CHRM1: variants seen among roughly 807,000 people sequenced by gnomAD.
CHRM1 encodes cholinergic receptor muscarinic 1.
Under a neutral mutation model 31.6 loss-of-function variants are expected in CHRM1, and 5 were observed. The observed-to-expected ratio is 0.16, with a 90% CI of 0.08 to 0.33. The LOEUF is 0.33. Among genes scored for constraint, CHRM1 ranks in the 10% least tolerant of loss-of-function variants. CHRM1 has a pLI of 1.00. For missense variants in CHRM1, 338 were observed against 610.3 expected, an observed-to-expected ratio of 0.55 and a Z score of 4.70; for synonymous variants, 227 against 249.7, an observed-to-expected ratio of 0.91 and a Z score of 0.86.
Position 62,910,092 on chromosome 11 carries a change from C to G in CHRM1, c.1009G>C (p.Ala337Pro). The G allele has an allele frequency of 6.2e-7, 1 of 1,612,338 alleles. No individual in the cohort carries two copies. The stretch of plus-strand genomic sequence containing the variant: ...CCACGGGGCTTCTGGCCCTTGCCAG[C>G]TCGATCACGCCCTTTCTTAGTCGGC... ...KRPTKKGRDRAGKGQKPRGKE... is the reference protein window; with the variant it reads ...KRPTKKGRDRPGKGQKPRGKE... Residue 337 changes from alanine to proline, a missense_variant, in exon 2 of 2, where the codon GCT (alanine) becomes CCT (proline). Around this residue, in one of 4 missense-constraint regions of CHRM1, gnomAD observed 183 missense variants for 223.4 expected, o/e 0.82. Transcript: ENST00000306960. The surrounding 1 kb of genome is among the most constrained non-coding windows in gnomAD (Gnocchi z 8.7).
intron 1 of CHRM1, among the ~76,000 whole-genome samples, chr11:62,913,411 C>T (rs2135043538): frequency 6.6e-6 from 1 of 152,290 alleles, no homozygotes; most frequent in South Asian, 2.1e-4. Flanking sequence ...GTGGCTCACG[C>T]CTGTAATCCC....
At chr11:62,916,132 C>T (rs1448206970) in intron 1 of CHRM1, among the ~76,000 whole-genome samples, 1 of 152,158 alleles carries the variant, frequency 6.6e-6, no homozygotes, top group Non-Finnish European at 1.5e-5. Context: ...TCCACTCCTT[C>T]TCCTGATCCA....
rs780171312 is a variant in CHRM1, at chr11:62,909,766, G to T, written c.1335C>A (p.Ile445=). 5 of 1,614,056 alleles carry T rather than the reference G, an allele frequency of 3.1e-6. No homozygotes were observed. The highest frequency in any genetic ancestry group is 2.5e-6 in the Non-Finnish European group (3 of 1,179,984). Residue 445 remains isoleucine, a synonymous_variant, in exon 2 of 2, where the codon ATC becomes ATA. Coordinates refer to ENST00000306960, the MANE Select transcript of CHRM1 (RefSeq NM_000738.3). ...CRWDKRRWRK[I]PKRPGSVHRT... The stretch of plus-strand genomic sequence containing the variant: ...GGTGCACGGAGCCAGGGCGCTTGGG[G>T]ATCTTGCGCCAGCGTCTCTTGTCCC...
At chr11:62,916,278 G>A (rs2085899996) in intron 1 of CHRM1, among the ~76,000 whole-genome samples, 1 of 152,220 alleles carries the variant, frequency 6.6e-6, no homozygotes, top group Non-Finnish European at 1.5e-5. Flanking sequence ...AAGTCCGGAA[G>A]CCAACATCTC....
In CHRM1 at chr11:62,909,567, G is replaced by A; in HGVS notation, c.*151C>T. The A allele has an allele frequency of 1.1e-6, 1 of 913,488 alleles. No homozygotes were observed. The highest frequency in any genetic ancestry group is 1.6e-6 in the Non-Finnish European group (1 of 608,532). 56.6% of individuals were successfully genotyped at this position (913,488 alleles called of 1,614,324 possible). ...ATAGCGAAGTCTGGAAAGTTGGCAGGGTCTCTCTGGGCTGCCCAGGAAGGT... is the reference window on the plus strand; with the variant it reads ...ATAGCGAAGTCTGGAAAGTTGGCAGAGTCTCTCTGGGCTGCCCAGGAAGGT... On this transcript the variant is annotated 3_prime_UTR_variant, in exon 2 of 2. Coordinates refer to ENST00000306960, the MANE Select transcript of CHRM1 (RefSeq NM_000738.3).
At position 62,909,735 on chromosome 11, in the gene CHRM1, G is replaced by T. The variant is rs897064861; in HGVS notation, c.1366C>A (p.Pro456Thr). The T allele has an allele frequency of 3.1e-6, 5 of 1,613,822 alleles. No individual in the cohort carries two copies. The African/African-American group carries it at 6.7e-5, about 22-fold the overall frequency. ...PKRPGSVHRT[P>T]SRQC is the part of the protein sequence containing the mutation. Reference sequence around the variant, plus strand: ...GGGGACTATCAGCATTGGCGGGAGGGAGTGCGGTGCACGGAGCCAGGGCGC... The same window carrying T: ...GGGGACTATCAGCATTGGCGGGAGGTAGTGCGGTGCACGGAGCCAGGGCGC... The change falls in exon 2 of 2, where the codon CCC becomes ACC. Residue 456 changes from proline (P) to threonine (T), a missense_variant. Physicochemically the swap from Pro to Thr is conservative, Grantham distance 38 (BLOSUM62 -1). This residue lies in a region of CHRM1 where 68 missense variants were observed against 108.5 expected (regional missense o/e 0.63). Coordinates refer to ENST00000306960, the MANE Select transcript of CHRM1 (RefSeq NM_000738.3).
chr11:62,917,953 C>A (rs1565266861), intron 1 of CHRM1: 1 of 152,140 alleles, frequency 6.6e-6, no homozygotes, highest in African/African-American at 2.4e-5. Flanking sequence ...TTGCAAAAGG[C>A]CTAACCTGAG....
At chr11:62,920,914 A>G (rs2085930030) in intron 1 of CHRM1, 1 of 152,066 alleles carries the variant, frequency 6.6e-6, no homozygotes, top group Non-Finnish European at 1.5e-5. Context: ...GCTACCAGGC[A>G]GCCTAATCCC....
Position 62,913,381 on chromosome 11 carries a change from C to T in CHRM1, c.-78-2203G>A, listed in dbSNP as rs151133840. ...AGGGTGCTAGGCTGCCTAGAAATGT[C>T]TACCTCTTGGCCGGGTGCGGTGGCT... On this transcript the variant is annotated intron_variant, in intron 1 of 1. Coordinates refer to ENST00000306960, the MANE Select transcript of CHRM1 (RefSeq NM_000738.3). Among the ~76,000 whole-genome samples the T allele has an allele frequency of 2.1e-3, 316 of 152,278 alleles. 3 individuals are homozygous for T. Among genetic ancestry groups the T allele is most frequent in the African/African-American group, 7.2e-3 (298 of 41,566 alleles).
In CHRM1 at chr11:62,910,912, G is replaced by A; in HGVS notation, c.189C>T (p.Phe63=). 1.2e-6 allele frequency: 2 copies of A among 1,614,222 alleles called. No homozygotes were observed. The highest frequency in any genetic ancestry group is 1.7e-6 in the Non-Finnish European group (2 of 1,180,052). The change falls in exon 2 of 2, where the codon TTC becomes TTT. Residue 63 remains phenylalanine (F), a synonymous_variant. Coordinates refer to ENST00000306960, the MANE Select transcript of CHRM1 (RefSeq NM_000738.3). The surrounding 1 kb of genome is among the most constrained non-coding windows in gnomAD (Gnocchi z 8.7). ...GGTCAGCACAGGCCAGGCTCAGCAG[G>A]AAGTAGTTATTGACTGTCTTGAGCT... ...NTELKTVNNY[F]LLSLACADLI...
At chr11:62,913,908 G>A (rs902290651) in intron 1 of CHRM1, among the ~76,000 whole-genome samples, 40 of 150,292 alleles carry the variant, frequency 2.7e-4, no homozygotes, top group Middle Eastern at 3.4e-3. Context: ...GCAGTTGCGC[G>A]ATCTCGGCTC....
At chr11:62,917,902 CTGTTACAACTCCT>C (rs564568976) in intron 1 of CHRM1, 1 of 152,226 alleles carries the variant, frequency 6.6e-6, no homozygotes, top group African/African-American at 2.4e-5. Context: ...TCTAATCTAC[CTGTTACAACTCCT>C]TGTGAAGTAG....
At position 62,909,620 on chromosome 11, in the gene CHRM1, G is replaced by A; in HGVS notation, c.*98C>T. ...CCCAGGGTCCTGGGAAGCCAGGTGAGGCCTGAGCAGGGCCCTGGGGCTGAG... is the reference window on the plus strand; with the variant it reads ...CCCAGGGTCCTGGGAAGCCAGGTGAAGCCTGAGCAGGGCCCTGGGGCTGAG... On this transcript the variant is annotated 3_prime_UTR_variant, in exon 2 of 2. Coordinates refer to ENST00000306960, the MANE Select transcript of CHRM1 (RefSeq NM_000738.3). 6.9e-7 allele frequency: 1 copy of A among 1,448,938 alleles called. No individual in the cohort carries two copies. The highest frequency in any genetic ancestry group is 9.3e-7 in the Non-Finnish European group (1 of 1,071,036). The allele number at this position is 1,448,938 out of a possible 1,614,324, so 89.8% of individuals were successfully genotyped here. A position where few individuals can be genotyped will look rare whatever the true frequency, so the allele number is the denominator to read the frequency against.
rs769991700 is a variant in CHRM1, at chr11:62,910,225, C to T, written c.876G>A (p.Glu292=). ...EGSMESLTSS[E]GEEPGSEVVI... Reference sequence around the variant, plus strand: ...CCACTTCGGAGCCAGGCTCCTCTCCCTCTGAGGATGTGAGGGACTCCATGG... The same window carrying T: ...CCACTTCGGAGCCAGGCTCCTCTCCTTCTGAGGATGTGAGGGACTCCATGG... Residue 292 remains glutamate (E), a synonymous_variant, in exon 2 of 2, where the codon GAG becomes GAA. Coordinates refer to ENST00000306960, the MANE Select transcript of CHRM1 (RefSeq NM_000738.3). The surrounding 1 kb of genome is among the most constrained non-coding windows in gnomAD (Gnocchi z 8.7). 4.3e-6 allele frequency: 7 copies of T among 1,610,764 alleles called. No individual in the cohort carries two copies. The highest frequency in any genetic ancestry group is 5.1e-6 in the Non-Finnish European group (6 of 1,178,686).
In CHRM1 at chr11:62,909,824, C is replaced by T. The variant is rs752313223; in HGVS notation, c.1277G>A (p.Arg426Gln). ...MCYALCNKAFRDTFRLLLLCR... is the reference protein window; with the variant it reads ...MCYALCNKAFQDTFRLLLLCR... ...AAGCAGCAGCAGGCGAAAGGTGTCCCGGAAGGCTTTGTTGCAGAGTGCGTA... is the reference window on the plus strand; with the variant it reads ...AAGCAGCAGCAGGCGAAAGGTGTCCTGGAAGGCTTTGTTGCAGAGTGCGTA... The change falls in exon 2 of 2, where the codon CGG becomes CAG. Residue 426 changes from arginine to glutamine, a missense_variant. Physicochemically the swap from Arg to Gln is conservative, Grantham distance 43. Coordinates refer to ENST00000306960, the MANE Select transcript of CHRM1 (RefSeq NM_000738.3). 9.9e-6 allele frequency: 16 copies of T among 1,614,232 alleles called. 1 individual carries two copies. The highest frequency in any genetic ancestry group is 2.2e-5 in the East Asian group (1 of 44,884).
rs1479162109 is a variant in CHRM1 at position 62,909,249 on chromosome 11, C to T, written c.*469G>A. On this transcript the variant is annotated 3_prime_UTR_variant, in exon 2 of 2. Transcript: ENST00000306960. ...CTCTGCCTATGAAGCGAGGGGATTC[C>T]CCAGCTCCCTGTCATCTGGCTTTTC... 1.1e-5 allele frequency: 2 copies of T among 175,604 alleles called. No individual in the cohort carries two copies. Among genetic ancestry groups the T allele is most frequent in the African/African-American group, 4.8e-5 (2 of 41,758 alleles). 10.9% of individuals were successfully genotyped at this position (175,604 alleles called of 1,614,324 possible).
chr11:62,918,228 A>T (rs552914952), intron 1 of CHRM1: 5 of 152,430 alleles, frequency 3.3e-5, no homozygotes, highest in African/African-American at 9.6e-5. Context: ...GATGTGTGAT[A>T]ACAGTGCTGT....
chr11:62,911,207 G>T, intron 1 of CHRM1, 29 bp from the exon 2 acceptor site: 1 of 1,083,334 alleles, frequency 9.2e-7, no homozygotes, highest in Non-Finnish European at 1.3e-6. Flanking sequence ...GGCTTTGGTT[G>T]GGCCACTGGA....
intron 1 of CHRM1, chr11:62,920,797 C>G (rs2075748): frequency 6.6e-6 from 1 of 151,984 alleles, no homozygotes; most frequent in Non-Finnish European, 1.5e-5. Context: ...GGGACTGGCA[C>G]CCCCATCAAG....
Sources: allele counts gnomAD v4.1 joint callset (sites outside exome capture counted in the v4.1 genomes callset), GRCh38; gene constraint gnomAD v4.1.1; regional missense constraint gnomAD v4.1.1; non-coding constraint Gnocchi (gnomAD v3.1); transcripts MANE v1.5; gene names NCBI Gene and HGNC (gene_info 2026-07-23, HGNC 2026-07-21).